The following GDPD5 variants were observed in gnomAD, a reference collection of about 807,000 sequenced individuals.
GDPD5 encodes the protein glycerophosphodiester phosphodiesterase 2.
GDPD5 carries 48 observed loss-of-function variants against 75.1 expected under a neutral mutation model. The ratio of observed to expected loss-of-function variants is 0.64; its 90% confidence interval spans 0.51 to 0.81. The LOEUF (loss-of-function observed/expected upper bound fraction) is 0.81, where lower values mean the gene tolerates loss of function less well. GDPD5 is among the 40% of genes least tolerant of loss of function. The pLI is 0.00. For synonymous variants in GDPD5, 336 were observed against 339.0 expected, an observed-to-expected ratio of 0.99 and a Z score of 0.10; for missense variants, 706 against 822.6, an observed-to-expected ratio of 0.86 and a Z score of 1.73.
chr11:75,462,070 T>C (rs1206738102), intron 4 of GDPD5, among the ~76,000 whole-genome samples: 1 of 152,236 alleles, frequency 6.6e-6, no homozygotes, highest in Admixed American at 6.5e-5. Context: ...CTGCCAGCCC[T>C]GCCCAGGGCC....
intron 6 of GDPD5, among the ~76,000 whole-genome samples, chr11:75,454,489 C>G (rs965437948): frequency 1.3e-5 from 2 of 152,228 alleles, no homozygotes; most frequent in African/African-American, 4.8e-5. Context: ...CCAGAAATTC[C>G]TCTCCCAGGT....
chr11:75,472,187 G>A (rs1003086614), intron 3 of GDPD5, among the ~76,000 whole-genome samples: 1 of 152,062 alleles, frequency 6.6e-6, no homozygotes, highest in Non-Finnish European at 1.5e-5. Context: ...GCAAGCTCAG[G>A]CCCAGAGAGG....
At chr11:75,505,294 C>T (rs1565217684) in intron 1 of GDPD5, among the ~76,000 whole-genome samples, 3 of 152,118 alleles carry the variant, frequency 2.0e-5, no homozygotes, top group African/African-American at 7.2e-5. Context: ...AGGCTTGGAC[C>T]TTTGGCCCCT....
chr11:75,455,315 A>C (rs1331683412), intron 6 of GDPD5: 1 of 455,802 alleles, frequency 2.2e-6, no homozygotes, highest in Admixed American at 2.3e-5. Flanking sequence ...CAGGAGAAGA[A>C]ACTCCCTCAC....
chr11:75,504,829 T>A (rs1023127123), intron 1 of GDPD5, among the ~76,000 whole-genome samples: 1 of 152,106 alleles, frequency 6.6e-6, no homozygotes, highest in Admixed American at 6.6e-5. Flanking sequence ...ATACAATTTT[T>A]AAAAATACTC....
intron 2 of GDPD5, among the ~76,000 whole-genome samples, chr11:75,489,581 C>CA (rs1435249455): frequency 6.6e-6 from 1 of 152,236 alleles, no homozygotes; most frequent in Non-Finnish European, 1.5e-5. Context: ...GAGGAAGCAT[C>CA]ACTTTCTCTA....
chr11:75,455,050 A>G (rs1233600458), intron 6 of GDPD5, among the ~76,000 whole-genome samples: 2 of 152,098 alleles, frequency 1.3e-5, no homozygotes, highest in Non-Finnish European at 2.9e-5. Context: ...TCATGCTGCG[A>G]TCTCACATAG....
chr11:75,503,352 T>G (rs892442303), intron 1 of GDPD5, among the ~76,000 whole-genome samples: 1 of 152,184 alleles, frequency 6.6e-6, no homozygotes, highest in Admixed American at 6.5e-5. Context: ...CACTAAATTT[T>G]GGGGTCATTT....
chr11:75,516,031 A>C (rs1192518154), intron 1 of GDPD5: 2 of 152,304 alleles, frequency 1.3e-5, no homozygotes, highest in Non-Finnish European at 2.9e-5. Context: ...AGAGTGAGGA[A>C]GTGTCTTTGG....
At chr11:75,464,711 C>A (rs1282717405) in intron 3 of GDPD5, among the ~76,000 whole-genome samples, 1 of 152,172 alleles carries the variant, frequency 6.6e-6, no homozygotes, top group Non-Finnish European at 1.5e-5. Flanking sequence ...GGTGGCTTCT[C>A]AGAGAGTAGG....
Position 75,457,742 on chromosome 11 carries a change from G to A in GDPD5, c.266C>T (p.Pro89Leu), listed in dbSNP as rs1235843833. The A allele has an allele frequency of 5.0e-6, 8 of 1,614,138 alleles. No homozygotes were observed. The highest frequency in any genetic ancestry group is 6.8e-6 in the Non-Finnish European group (8 of 1,180,010). ...RMGYWSDWPV[P>L]ILVTTAAAFA... The stretch of plus-strand genomic sequence containing the variant: ...GGCAGCAGCTGTGGTCACAAGGATG[G>A]GTACGGGCCAGTCGCTCCAGTAGCC... The change falls in exon 5 of 17, where the codon CCC becomes CTC. Residue 89 changes from proline to leucine, a missense_variant. Transcript: ENST00000336898.
chr11:75,482,321 C>G (rs1949935335), intron 2 of GDPD5, among the ~76,000 whole-genome samples: 1 of 152,108 alleles, frequency 6.6e-6, no homozygotes, highest in Admixed American at 6.5e-5. Context: ...CAAACCTCTT[C>G]TTTCTCTTCT....
intron 9 of GDPD5, among the ~76,000 whole-genome samples, chr11:75,446,633 C>G (rs1205135967): frequency 6.6e-6 from 1 of 152,188 alleles, no homozygotes; most frequent in Non-Finnish European, 1.5e-5. Flanking sequence ...TGCATAGGAA[C>G]AACACATCCA....
intron 1 of GDPD5, among the ~76,000 whole-genome samples, chr11:75,519,641 T>A (rs1248893495): frequency 6.6e-6 from 1 of 152,192 alleles, no homozygotes; most frequent in Admixed American, 6.5e-5. Flanking sequence ...GCTGTAATTA[T>A]CCCCATTTTA....
At chr11:75,471,222 G>A (rs1949656613) in intron 3 of GDPD5, among the ~76,000 whole-genome samples, 1 of 152,222 alleles carries the variant, frequency 6.6e-6, no homozygotes, top group Non-Finnish European at 1.5e-5. Flanking sequence ...TCCCAAAAGG[G>A]AGAGATGGGC....
intron 3 of GDPD5, among the ~76,000 whole-genome samples, chr11:75,470,411 C>T (rs951821933): frequency 1.3e-5 from 2 of 152,152 alleles, no homozygotes; most frequent in Admixed American, 6.5e-5. Flanking sequence ...TTCCTTTATA[C>T]ATTTTGCCTT....
At chr11:75,451,007 T>G (rs974061585) in intron 6 of GDPD5, 3 of 152,420 alleles carry the variant, frequency 2.0e-5, no homozygotes, top group Admixed American at 2.0e-4. Flanking sequence ...TTCTAGCTGC[T>G]GGCAGGGCCT....
chr11:75,520,174 C>T lies in GDPD5; in HGVS notation c.-145+5036G>A, dbSNP rs189037795. 1.5e-4 allele frequency among the ~76,000 whole-genome samples: 23 copies of T among 152,354 alleles called. No homozygotes were observed. The East Asian group carries it at 1.5e-3, about 10-fold the overall frequency. ...GGGAAGGCCTCCCTGCCATCTGGCACGCCCTCCCTCCAGCCATCACTCACT... is the reference window on the plus strand; with the variant it reads ...GGGAAGGCCTCCCTGCCATCTGGCATGCCCTCCCTCCAGCCATCACTCACT... On this transcript the variant is annotated intron_variant, in intron 1 of 16. Transcript: ENST00000336898.
intron 1 of GDPD5, among the ~76,000 whole-genome samples, chr11:75,503,393 T>C (rs1950332398): frequency 6.6e-6 from 1 of 152,082 alleles, no homozygotes. Flanking sequence ...GGAACAAATA[T>C]AAATTATGAA....
Sources: allele counts gnomAD v4.1 joint callset (sites outside exome capture counted in the v4.1 genomes callset), GRCh38; gene constraint gnomAD v4.1.1; transcripts MANE v1.5; gene names NCBI Gene and HGNC (gene_info 2026-07-23, HGNC 2026-07-21).